Variants in ATP9A observed in about 807,000 individuals in gnomAD.
ATP9A encodes ATPase phospholipid transporting 9A.
A neutral mutation model predicts 144.1 loss-of-function variants in ATP9A; 52 were observed. The ratio of observed to expected loss-of-function variants is 0.36; its 90% CI spans 0.29 to 0.45. The LOEUF is 0.45. Ranked by LOEUF, ATP9A falls within the 20% of genes least tolerant of loss-of-function variation. The probability of loss-of-function intolerance (pLI) is 1.00; values close to 1 mark genes in which losing one functional copy is unlikely to be tolerated. For synonymous variants in ATP9A, 582 were observed against 557.4 expected (o/e 1.04, Z -0.62); for missense variants, 947 against 1,392.7 (o/e 0.68, Z 5.09).
rs983935116 is a variant in ATP9A at position 51,618,678 on chromosome 20, C to T, written c.2334G>A (p.Lys778=). ...CTCGCCTACCTACTGCACAGGTGAGCTTGCCCGTGCGCTCCTGAAGCAGGC... is the reference window on the plus strand; with the variant it reads ...CTCGCCTACCTACTGCACAGGTGAGTTTGCCCGTGCGCTCCTGAAGCAGGC... The part of the protein sequence containing the change: ...IVRLLQERTG[K]LTCAVGDGGN... The change falls in exon 21 of 28, where the codon AAG becomes AAA. Residue 778 remains lysine (K), a synonymous_variant. Transcript: ENST00000338821. The T allele has an allele frequency of 3.7e-6, 6 of 1,612,420 alleles. No homozygotes were observed. The African/African-American group carries it at 4.0e-5, about 11-fold the overall frequency.
At chr20:51,718,379 G>C (rs1193262100) in intron 3 of ATP9A, among the ~76,000 whole-genome samples, 1 of 150,890 alleles carries the variant, frequency 6.6e-6, no homozygotes, top group Admixed American at 6.6e-5. Flanking sequence ...TGTGTGGGGG[G>C]GGGTTGTTTG....
intron 9 of ATP9A, among the ~76,000 whole-genome samples, chr20:51,687,963 C>G (rs185629791): frequency 3.1e-4 from 47 of 152,180 alleles, no homozygotes; most frequent in African/African-American, 1.0e-3. Flanking sequence ...AATGATATCA[C>G]GAAATGTAAG....
intron 5 of ATP9A, among the ~76,000 whole-genome samples, chr20:51,696,988 ACCCCTGCT>A (rs2077573177): frequency 6.6e-6 from 1 of 152,104 alleles, no homozygotes; most frequent in African/African-American, 2.4e-5. Flanking sequence ...GTTACACTTA[ACCCCTGCT>A]CCCCATAAAA....
chr20:51,679,898 C>T (rs1176123364), intron 9 of ATP9A, among the ~76,000 whole-genome samples: 2 of 152,072 alleles, frequency 1.3e-5, no homozygotes, highest in Admixed American at 1.3e-4. Flanking sequence ...TCAGAGTAGT[C>T]GTCTCATCAA....
At chr20:51,732,966 A>G (rs2077748414) in intron 1 of ATP9A, among the ~76,000 whole-genome samples, 1 of 151,932 alleles carries the variant, frequency 6.6e-6, no homozygotes, top group Admixed American at 6.6e-5. Flanking sequence ...TCCTATAATA[A>G]TCTAGTAATG....
chr20:51,670,886 G>A (rs1355500099), intron 12 of ATP9A, among the ~76,000 whole-genome samples: 2 of 152,186 alleles, frequency 1.3e-5, no homozygotes, highest in African/African-American at 2.4e-5. Flanking sequence ...CAAGGTTCAG[G>A]TGAGGACTGA....
At chr20:51,726,605 G>C (rs2077714385) in intron 2 of ATP9A, among the ~76,000 whole-genome samples, 1 of 152,058 alleles carries the variant, frequency 6.6e-6, no homozygotes, top group Non-Finnish European at 1.5e-5. Context: ...TTGAGACCAG[G>C]TCTCGCTCTG....
intron 24 of ATP9A, 39 bp downstream of exon 24, chr20:51,610,062 G>T (rs1164704409): frequency 1.3e-6 from 2 of 1,530,754 alleles, no homozygotes; most frequent in Non-Finnish European, 1.8e-6. Context: ...TTTGAAGAAG[G>T]TTTTGTAAAC....
At chr20:51,713,162 G>A in intron 3 of ATP9A, 88 bp from the exon 4 acceptor site, 1 of 1,252,944 alleles carries the variant, frequency 8.0e-7, no homozygotes, top group Non-Finnish European at 1.1e-6. Flanking sequence ...GGGCAGGAAA[G>A]GCGAGAGGTC....
At position 51,601,235 on chromosome 20, in the gene ATP9A, G is replaced by A. The variant is rs778865003; in HGVS notation, c.3120C>T (p.Pro1040=). 13 of 1,613,096 alleles carry A rather than the reference G, an allele frequency of 8.1e-6. No individual in the cohort carries two copies. In the South Asian group the frequency reaches 1.4e-4, roughly 18 times the overall value. Residue 1040 remains proline (P), a synonymous_variant, in exon 28 of 28, where the codon CCC becomes CCT. Transcript: ENST00000338821. ...CCTATGATGTGAGCTTTGAGTAGCT[G>A]GGGGGAGAGAACCGTCTTCGCAGGT... ...LKYLRRRFSP[P]SYSKLTS is the part of the protein sequence containing the mutation.
chr20:51,689,069 G>A lies in ATP9A; in HGVS notation c.794C>T (p.Ala265Val). Residue 265 changes from alanine (A) to valine (V), a missense_variant, in exon 9 of 28, where the codon GCA becomes GTA. Ala to Val is a moderately conservative substitution (Grantham distance 64). Around this residue, in one of 2 missense-constraint regions of ATP9A, gnomAD observed 770 missense variants for 1,047.9 expected, o/e 0.73. Coordinates refer to ENST00000338821, the MANE Select transcript of ATP9A (RefSeq NM_006045.3). ...TCCTCAAAACGGCGCCTCACCTGATGCGACCACAGTGCCAGCCCACAGCGT... is the reference window on the plus strand; with the variant it reads ...TCCTCAAAACGGCGCCTCACCTGATACGACCACAGTGCCAGCCCACAGCGT... ...ENTLWAGTVV[A>V]SGTVVGVVLY... The A allele has an allele frequency of 6.2e-7, 1 of 1,614,002 alleles. No individual in the cohort carries two copies. Among genetic ancestry groups the A allele is most frequent in the Non-Finnish European group, 8.5e-7 (1 of 1,179,986 alleles).
At chr20:51,710,880 G>A (rs1237997806) in intron 4 of ATP9A, among the ~76,000 whole-genome samples, 2 of 152,130 alleles carry the variant, frequency 1.3e-5, no homozygotes, top group Non-Finnish European at 2.9e-5. Flanking sequence ...ACCAAAGGAG[G>A]GTCGAAGCCC....
intron 1 of ATP9A, among the ~76,000 whole-genome samples, chr20:51,747,559 C>G (rs895585734): frequency 6.6e-6 from 1 of 152,086 alleles, no homozygotes; most frequent in Non-Finnish European, 1.5e-5. Context: ...TATTTTAATA[C>G]CAAAATATGT....
At position 51,694,110 on chromosome 20, in the gene ATP9A, AG is replaced by A; in HGVS notation, c.548-9del. 6.2e-7 allele frequency: 1 copy of A among 1,613,550 alleles called. No homozygotes were observed. Among genetic ancestry groups the A allele is most frequent in the Non-Finnish European group, 8.5e-7 (1 of 1,179,566 alleles). ...TCCGCAAGAAGCATGACCCTGTGGA[AG>A]GAAGTCGGGTGCCGTCACCTGCACC... On this transcript the variant is annotated splice_polypyrimidine_tract_variant and intron_variant, in intron 6 of 27. Coordinates refer to ENST00000338821, the MANE Select transcript of ATP9A (RefSeq NM_006045.3).
In ATP9A at chr20:51,675,452, G is replaced by C. The variant is rs543922723; in HGVS notation, c.876+680C>G. ...TCACTGTGTAGCCTGGACAGGGCAC[G>C]GTGCTTCCTGAAGCCGTTTCTCATG... On this transcript the variant is annotated intron_variant, in intron 10 of 27. Coordinates refer to ENST00000338821, the MANE Select transcript of ATP9A (RefSeq NM_006045.3). Among the ~76,000 whole-genome samples the C allele has an allele frequency of 3.4e-4, 52 of 152,284 alleles. 1 individual carries two copies. The South Asian group carries it at 9.7e-3, about 29-fold the overall frequency.
chr20:51,613,367 C>T (rs552963473), intron 23 of ATP9A, among the ~76,000 whole-genome samples: 2 of 152,352 alleles, frequency 1.3e-5, no homozygotes, highest in African/African-American at 4.8e-5. Context: ...ATGCCAGGCA[C>T]TGGATGTCAC....
At chr20:51,650,092 C>T (rs2077357528) in intron 14 of ATP9A, among the ~76,000 whole-genome samples, 2 of 152,068 alleles carry the variant, frequency 1.3e-5, no homozygotes, top group Admixed American at 1.3e-4. Flanking sequence ...CTACAGGAAC[C>T]CACGGCAGAT....
chr20:51,628,660 T>A (rs760192528), intron 16 of ATP9A, among the ~76,000 whole-genome samples: 3 of 152,234 alleles, frequency 2.0e-5, no homozygotes, highest in Non-Finnish European at 2.9e-5. Flanking sequence ...AGTAGCTGAA[T>A]GTAGCCCACA....
intron 1 of ATP9A, among the ~76,000 whole-genome samples, chr20:51,759,973 C>T (rs1178644455): frequency 6.6e-6 from 1 of 152,168 alleles, no homozygotes; most frequent in African/African-American, 2.4e-5. Flanking sequence ...CAGACACACA[C>T]ATTCCCAGCT....
Sources: allele counts gnomAD v4.1 joint callset (sites outside exome capture counted in the v4.1 genomes callset), GRCh38; gene constraint gnomAD v4.1.1; regional missense constraint gnomAD v4.1.1; transcripts MANE v1.5; gene names NCBI Gene and HGNC (gene_info 2026-07-23, HGNC 2026-07-21).